Variants in CPNE8 observed in about 807,000 individuals in gnomAD.
The protein encoded by CPNE8 is copine 8.
Under a neutral mutation model 81.5 loss-of-function variants are expected in CPNE8, and 45 were observed. That is an observed-to-expected ratio of 0.55 (90% CI 0.44 to 0.71). The LOEUF (loss-of-function observed/expected upper bound fraction) is 0.71. Among genes scored for constraint, CPNE8 ranks in the 30% least tolerant of loss-of-function variants. CPNE8 has a pLI of 0.00. For synonymous variants in CPNE8, 252 were observed against 226.3 expected (o/e 1.11, Z -1.02); for missense variants, 594 against 672.1 (o/e 0.88, Z 1.28).
At chr12:38,809,089 T>A (rs535566269) in intron 6 of CPNE8, among the ~76,000 whole-genome samples, 27 of 152,324 alleles carry the variant, frequency 1.8e-4, no homozygotes, top group African/African-American at 6.5e-4. Flanking sequence ...AATTTCAAGC[T>A]GCTTATGTCA....
At chr12:38,772,408 AAAT>A (rs375356473) in intron 7 of CPNE8, among the ~76,000 whole-genome samples, 13 of 152,186 alleles carry the variant, frequency 8.5e-5, no homozygotes, top group African/African-American at 2.9e-4. Context: ...CAAAAACTAA[AAAT>A]AAATAAAAAT....
intron 14 of CPNE8, among the ~76,000 whole-genome samples, chr12:38,694,780 TTG>T (rs1189251682): frequency 2.0e-5 from 3 of 152,324 alleles, no homozygotes; most frequent in Admixed American, 2.0e-4. Flanking sequence ...TAAATGAGAC[TTG>T]TAGCAGCATA....
At chr12:38,744,219 A>C (rs965829185) in intron 10 of CPNE8, among the ~76,000 whole-genome samples, 1 of 152,192 alleles carries the variant, frequency 6.6e-6, no homozygotes, top group African/African-American at 2.4e-5. Flanking sequence ...TAAACCTTAC[A>C]TAAGAAAGCA....
intron 14 of CPNE8, 74 bp from the exon 15 acceptor site, chr12:38,693,912 A>C (rs981230229): frequency 6.5e-6 from 8 of 1,226,336 alleles, no homozygotes; most frequent in Middle Eastern, 2.0e-4. Flanking sequence ...CTTGGTGTCT[A>C]TTTCAGAATG....
At chr12:38,733,258 A>T (rs1940877895) in intron 10 of CPNE8, among the ~76,000 whole-genome samples, 1 of 151,910 alleles carries the variant, frequency 6.6e-6, no homozygotes, top group South Asian at 2.1e-4. Flanking sequence ...AACCTGTCTG[A>T]CTTCAAATAC....
intron 6 of CPNE8, among the ~76,000 whole-genome samples, chr12:38,798,478 A>C (rs369530976): frequency 5.5e-4 from 84 of 152,206 alleles, no homozygotes; most frequent in African/African-American, 1.7e-3. Flanking sequence ...GAAATAAAAT[A>C]CTTTACAGAC....
At chr12:38,892,462 C>T (rs935081886) in intron 1 of CPNE8, among the ~76,000 whole-genome samples, 3 of 152,080 alleles carry the variant, frequency 2.0e-5, no homozygotes, top group Non-Finnish European at 4.4e-5. Context: ...AGAGTGGAGA[C>T]AGCAGAAATG....
chr12:38,735,797 C>T lies in CPNE8; in HGVS notation c.723-5439G>A, dbSNP rs549727037. Among the ~76,000 whole-genome samples, 148 of 151,928 alleles carry T rather than the reference C, an allele frequency of 9.7e-4. 2 individuals carry two copies. Among genetic ancestry groups the T allele is most frequent in the African/African-American group, 3.3e-3 (137 of 41,496 alleles). On this transcript the variant is annotated intron_variant, in intron 10 of 19. Coordinates refer to ENST00000331366, the MANE Select transcript of CPNE8 (RefSeq NM_153634.3). ...AACTAGCATGATTTTTAATTAATTG[C>T]CCCAGTAAACACAAACTATAAGCAT...
At chr12:38,880,974 G>A (rs1944145730) in intron 1 of CPNE8, among the ~76,000 whole-genome samples, 1 of 152,112 alleles carries the variant, frequency 6.6e-6, no homozygotes, top group African/African-American at 2.4e-5. Context: ...ACTTTGGGAG[G>A]CCAAGACGGG....
chr12:38,819,676 A>G (rs1211502651), intron 6 of CPNE8, among the ~76,000 whole-genome samples: 1 of 148,900 alleles, frequency 6.7e-6, no homozygotes, highest in Non-Finnish European at 1.5e-5. Flanking sequence ...CTGACGCAGG[A>G]GAATGGTGTG....
At chr12:38,704,556 G>T (rs1095579) in intron 13 of CPNE8, among the ~76,000 whole-genome samples, 149,523 of 151,990 alleles carry the variant, frequency 0.98, 73,582 homozygotes, top group Middle Eastern at 1. Flanking sequence ...AGGAAAGTCA[G>T]AGCTTACTCT....
chr12:38,906,375 A>C (rs1268358644), upstream of CPNE8: 1 of 985,264 alleles, frequency 1.0e-6, no homozygotes, highest in Non-Finnish European at 1.2e-6. Context: ...ACTACTTGGG[A>C]TTTAAGGAAG....
At chr12:38,682,290 G>A (rs1221095221) in intron 16 of CPNE8, among the ~76,000 whole-genome samples, 1 of 152,178 alleles carries the variant, frequency 6.6e-6, no homozygotes, top group Non-Finnish European at 1.5e-5. Flanking sequence ...AGGCGTGGTG[G>A]CTTACGCCTA....
chr12:38,697,636 T>C (rs975092640), intron 14 of CPNE8, among the ~76,000 whole-genome samples: 6 of 152,158 alleles, frequency 3.9e-5, no homozygotes, highest in African/African-American at 1.2e-4. Context: ...GTTTGGATGT[T>C]TGTCCCCTCC....
chr12:38,742,463 G>T (rs527764682), intron 10 of CPNE8, among the ~76,000 whole-genome samples: 2 of 149,418 alleles, frequency 1.3e-5, no homozygotes, highest in East Asian at 4.0e-4. Flanking sequence ...CTCACTCACA[G>T]GTTGGAACTG....
In CPNE8 at chr12:38,782,885, G is replaced by A. The variant is rs142721919; in HGVS notation, c.408-6584C>T. On this transcript the variant is annotated intron_variant, in intron 6 of 19. Coordinates refer to ENST00000331366, the MANE Select transcript of CPNE8 (RefSeq NM_153634.3). ...TTTTTAGACAGGGTCTCACTATGTT[G>A]CCTAAGCTGTTCTCAAACTACTGGG... Among the ~76,000 whole-genome samples the A allele has an allele frequency of 9.5e-4, 144 of 152,094 alleles. 1 individual carries two copies. Among genetic ancestry groups the A allele is most frequent in the African/African-American group, 3.3e-3 (138 of 41,514 alleles).
chr12:38,795,867 G>GGATAGATAGATAGATAGATAGAT (rs1555160626), intron 6 of CPNE8, among the ~76,000 whole-genome samples: 7 of 148,256 alleles, frequency 4.7e-5, no homozygotes, highest in Admixed American at 4.1e-4. Context: ...ATGGATGGAT[G>GGATAGATAGATAGATAGATAGAT]GATAGATAGA....
chr12:38,763,772 A>T (rs182442365), intron 8 of CPNE8, among the ~76,000 whole-genome samples: 8 of 152,346 alleles, frequency 5.3e-5, no homozygotes, highest in Admixed American at 3.3e-4. Context: ...ATAAAACTTC[A>T]TCAAGACCTT....
intron 3 of CPNE8, among the ~76,000 whole-genome samples, chr12:38,859,933 T>C (rs760649084): frequency 1.3e-5 from 2 of 152,072 alleles, no homozygotes; most frequent in African/African-American, 4.8e-5. Flanking sequence ...AAGACATACA[T>C]GTAAGATGTG....
Sources: allele counts gnomAD v4.1 joint callset (sites outside exome capture counted in the v4.1 genomes callset), GRCh38; gene constraint gnomAD v4.1.1; transcripts MANE v1.5; gene names NCBI Gene and HGNC (gene_info 2026-07-23, HGNC 2026-07-21).